SPRY3: variants seen among roughly 807,000 people sequenced by gnomAD.
SPRY3 encodes protein sprouty homolog 3.
A neutral mutation model predicts 20.2 loss-of-function variants in SPRY3; 15 were observed. The ratio of observed to expected loss-of-function variants is 0.74; its 90% CI spans 0.50 to 1.14. The LOEUF is 1.14. Among genes scored for constraint, SPRY3 ranks in the 50% most tolerant of loss-of-function variants. SPRY3 has a pLI of 0.00. For missense variants in SPRY3, 364 were observed against 363.9 expected, an observed-to-expected ratio of 1.00 and a Z score of 0.00; for synonymous variants, 143 against 136.5, an observed-to-expected ratio of 1.05 and a Z score of -0.33.
At position 155,691,022 on chromosome X, in the gene SPRY3, C is replaced by T. The variant is rs1157424285; in HGVS notation, c.-282+33997C>T. 7.0e-5 allele frequency among the ~76,000 whole-genome samples: 6 copies of T among 86,104 alleles called. No homozygotes were observed. The Admixed American group carries it at 7.6e-4, about 11-fold the overall frequency. 74.8% of individuals were successfully genotyped at this position (86,104 alleles called of 115,157 possible). ...AATTTTTGTAACATTTTTATTTTAT[C>T]GTATATGATTTGTGTCCTATCTAAG... On this transcript the variant is annotated intron_variant, in intron 2 of 3. Transcript: ENST00000675360.
At chrX:155,774,388 C>G in exon 4 of SPRY3, 3 of 1,614,032 alleles carry the variant, frequency 1.9e-6, no homozygotes, top group Non-Finnish European at 2.5e-6. Flanking sequence ...GTGCAACCAG[C>G]GCTGCCTTTG....
chrX:155,709,786 C>T (rs2090973971), intron 2 of SPRY3, among the ~76,000 whole-genome samples: 1 of 151,646 alleles, frequency 6.6e-6, no homozygotes, highest in Non-Finnish European at 1.5e-5. Flanking sequence ...GTAGTAGTTT[C>T]ATAAGTTTAG....
intron 2 of SPRY3, among the ~76,000 whole-genome samples, chrX:155,735,852 T>C (rs2091165244): frequency 6.6e-6 from 1 of 151,868 alleles, no homozygotes; most frequent in Admixed American, 6.6e-5. Flanking sequence ...CTTTTTATAA[T>C]TGTTCTCTTT....
chrX:155,682,998 A>G (rs755135502), intron 2 of SPRY3, among the ~76,000 whole-genome samples: 3 of 111,940 alleles, frequency 2.7e-5, no homozygotes, highest in Non-Finnish European at 5.6e-5. Flanking sequence ...AAAGATTAGA[A>G]GTGGAGCCTG....
intron 2 of SPRY3, among the ~76,000 whole-genome samples, chrX:155,742,983 G>A (rs2091210461): frequency 2.0e-5 from 3 of 152,028 alleles, no homozygotes; most frequent in African/African-American, 7.2e-5. Flanking sequence ...GAGTAGAATT[G>A]AAGGAGACAG....
chrX:155,705,677 T>C (rs1310203895), intron 2 of SPRY3, among the ~76,000 whole-genome samples: 1 of 151,238 alleles, frequency 6.6e-6, no homozygotes, highest in Non-Finnish European at 1.5e-5. Context: ...GAAATACATA[T>C]AATGCAAACA....
At chrX:155,772,230 G>A (rs1000575022) in intron 3 of SPRY3, among the ~76,000 whole-genome samples, 7 of 152,188 alleles carry the variant, frequency 4.6e-5, no homozygotes, top group Non-Finnish European at 1.0e-4. Context: ...ATGAGCAGAT[G>A]TAAATTCAGC....
chrX:155,614,761 CTG>C (rs782400559), intron 1 of SPRY3, among the ~76,000 whole-genome samples: 2 of 110,125 alleles, frequency 1.8e-5, no homozygotes. Flanking sequence ...TTTCCTCTCT[CTG>C]TGTGTGTGTG....
At chrX:155,678,996 A>T (rs2068065615) in intron 2 of SPRY3, among the ~76,000 whole-genome samples, 1 of 111,051 alleles carries the variant, frequency 9.0e-6, no homozygotes, top group South Asian at 3.8e-4. Flanking sequence ...GAATTGAACA[A>T]TGAGATCACT....
intron 1 of SPRY3, among the ~76,000 whole-genome samples, chrX:155,650,917 A>T (rs886782427): frequency 2.7e-5 from 3 of 111,909 alleles, no homozygotes; most frequent in Non-Finnish European, 5.6e-5. Context: ...TCTGAGATAA[A>T]TTCTCAAGAG....
intron 2 of SPRY3, among the ~76,000 whole-genome samples, chrX:155,686,727 G>A (rs2068088927): frequency 9.0e-6 from 1 of 111,529 alleles, no homozygotes; most frequent in Non-Finnish European, 1.9e-5. Context: ...CAAAGAAAGG[G>A]TTAAAAGCAA....
intron 2 of SPRY3, among the ~76,000 whole-genome samples, chrX:155,664,038 A>G (rs1167673888): frequency 9.0e-6 from 1 of 110,748 alleles, no homozygotes; most frequent in African/African-American, 3.3e-5. Flanking sequence ...CAGGCACGCA[A>G]TGCATAATAA....
chrX:155,734,713 G>C (rs2124566993), intron 2 of SPRY3, among the ~76,000 whole-genome samples: 1 of 151,738 alleles, frequency 6.6e-6, no homozygotes, highest in East Asian at 1.9e-4. Context: ...AATAAAATGA[G>C]GTATGCCTGT....
At chrX:155,724,248 G>C (rs2091082666) in intron 2 of SPRY3, among the ~76,000 whole-genome samples, 1 of 152,122 alleles carries the variant, frequency 6.6e-6, no homozygotes, top group African/African-American at 2.4e-5. Context: ...TTTTGGCTTA[G>C]GATTGGCTTG....
rs768669398 is a variant in SPRY3, at chrX:155,735,075, T to A, written c.-281-32887T>A. ...TTTATTTTCATTTAATTAAAAAAAA[T>A]TTAACTTTTTCTGAGATTTTATTTT... On this transcript the variant is annotated intron_variant, in intron 2 of 3. Transcript: ENST00000675360. Among the ~76,000 whole-genome samples, 58 of 152,012 alleles carry A rather than the reference T, an allele frequency of 3.8e-4. No homozygotes were observed. In the South Asian group the frequency reaches 0.011, roughly 28 times the overall value.
chrX:155,749,084 A>G (rs766652089), intron 2 of SPRY3, among the ~76,000 whole-genome samples: 1 of 152,084 alleles, frequency 6.6e-6, no homozygotes, highest in African/African-American at 2.4e-5. Context: ...ACAATGCCCA[A>G]TACATAATTA....
chrX:155,720,051 C>G (rs1226116675), intron 2 of SPRY3, among the ~76,000 whole-genome samples: 1 of 152,254 alleles, frequency 6.6e-6, no homozygotes, highest in East Asian at 1.9e-4. Context: ...TGCCCTGGGT[C>G]AGAGGGGAGC....
At chrX:155,621,153 C>A (rs1226856687) in intron 1 of SPRY3, among the ~76,000 whole-genome samples, 7 of 111,886 alleles carry the variant, frequency 6.3e-5, no homozygotes, top group African/African-American at 2.3e-4. Flanking sequence ...GCAAGAACAG[C>A]TAAGTTTTGT....
Position 155,774,913 on chromosome X carries a change from T to A in SPRY3, c.*175T>A, listed in dbSNP as rs924787720. 2.0e-5 allele frequency: 14 copies of A among 697,334 alleles called. No homozygotes were observed. The African/African-American group carries it at 2.3e-4, about 12-fold the overall frequency. The allele number at this position is 697,334 out of a possible 1,614,324, so 43.2% of individuals were successfully genotyped here. The stretch of plus-strand genomic sequence containing the variant: ...CATCCTGGTGCAGGATGCCTTGTTC[T>A]TTCTCACAGTATCTATCCCACTCCT... On this transcript the variant is annotated 3_prime_UTR_variant, in exon 4 of 4. Transcript: ENST00000675360.
Sources: allele counts gnomAD v4.1 joint callset (sites outside exome capture counted in the v4.1 genomes callset), GRCh38; gene constraint gnomAD v4.1.1; transcripts MANE v1.5; gene names NCBI Gene and HGNC (gene_info 2026-07-23, HGNC 2026-07-21).